The following CBX2 variants were observed in gnomAD, a reference collection of about 807,000 sequenced individuals.
CBX2 encodes chromobox 2, also known as chromobox protein homolog 2.
CBX2 carries 11 observed loss-of-function variants against 21.0 expected under a neutral mutation model. The observed-to-expected ratio is 0.52, with a 90% CI of 0.33 to 0.87. The LOEUF (loss-of-function observed/expected upper bound fraction) is 0.87, where lower values mean the gene tolerates loss of function less well. CBX2 is among the 40% of genes least tolerant of loss of function. CBX2 has a pLI of 0.02. For missense variants in CBX2, 746 were observed against 724.3 expected (o/e 1.03, Z -0.34); for synonymous variants, 364 against 304.6 (o/e 1.19, Z -2.03).
At chr17:79,781,920 T>C (rs782152284) in intron 4 of CBX2, 119 bp downstream of exon 4, 1 of 1,614,150 alleles carries the variant, frequency 6.2e-7, no homozygotes, top group East Asian at 2.2e-5. Context: ...CAACAGTCTG[T>C]CCCTCTACTC....
chr17:79,781,909 C>T (rs781950313), intron 4 of CBX2, 108 bp downstream of exon 4: 4 of 1,614,060 alleles, frequency 2.5e-6, no homozygotes, highest in Non-Finnish European at 1.7e-6. Context: ...GGCACTTCTG[C>T]CAACAGTCTG....
rs1555830960 is a variant in CBX2, at chr17:79,783,781, C to T, written c.338C>T (p.Ser113Phe). The stretch of plus-strand genomic sequence containing the variant: ...AAGTCCAGCAGTTCCTCCTCTTCCT[C>T]CACGTCATCCTCCTCTTCCTCAGAT... The part of the protein sequence containing the change: ...KSKSSSSSSS[S>F]TSSSSSSDEE... Residue 113 changes from serine (S) to phenylalanine (F), a missense_variant, in exon 5 of 5, where the codon TCC (serine) becomes TTC (phenylalanine). Coordinates refer to ENST00000310942, the MANE Select transcript of CBX2 (RefSeq NM_005189.3). 6.4e-7 allele frequency: 1 copy of T among 1,567,028 alleles called. No individual in the cohort carries two copies. Among genetic ancestry groups the T allele is most frequent in the African/African-American group, 1.4e-5 (1 of 73,464 alleles).
Position 79,785,469 on chromosome 17 carries a change from T to C in CBX2, c.*427T>C, listed in dbSNP as rs1160719054. 8.0e-6 allele frequency: 2 copies of C among 250,458 alleles called. No individual in the cohort carries two copies. Among genetic ancestry groups the C allele is most frequent in the African/African-American group, 4.4e-5 (2 of 45,564 alleles). 15.5% of individuals were successfully genotyped at this position (250,458 alleles called of 1,614,324 possible). A position where few individuals can be genotyped will look rare whatever the true frequency, so the allele number is the denominator to read the frequency against. On this transcript the variant is annotated 3_prime_UTR_variant, in exon 5 of 5. Transcript: ENST00000310942. ...GGCTGAGGTGTCAGGAGGGGACTTC[T>C]GGCCCACCTTGCCTTCAGCCCTGGA...
intron 3 of CBX2, among the ~76,000 whole-genome samples, chr17:79,780,280 G>C (rs1242840445): frequency 6.6e-6 from 1 of 152,232 alleles, no homozygotes; most frequent in African/African-American, 2.4e-5. Flanking sequence ...TGGACGGTTT[G>C]TTCTCTGGTA....
chr17:79,779,901 C>T (rs1433104820), intron 3 of CBX2, among the ~76,000 whole-genome samples: 6 of 152,232 alleles, frequency 3.9e-5, no homozygotes, highest in Non-Finnish European at 7.3e-5. Flanking sequence ...CGCAGTTGTG[C>T]CTATTGTGAT....
chr17:79,787,233 G>T lies in CBX2; in HGVS notation c.*2191G>T, dbSNP rs1555832262. On this transcript the variant is annotated 3_prime_UTR_variant, in exon 5 of 5. Coordinates refer to ENST00000310942, the MANE Select transcript of CBX2 (RefSeq NM_005189.3). Reference sequence around the variant, plus strand: ...TCACTGCTCCAAAGCCAGACTAACAGCTCTCCAAGCCCTTGGGGTGACTCG... The same window carrying T: ...TCACTGCTCCAAAGCCAGACTAACATCTCTCCAAGCCCTTGGGGTGACTCG... The T allele has an allele frequency of 6.6e-6, 1 of 152,516 alleles. No homozygotes were observed. Among genetic ancestry groups the T allele is most frequent in the Non-Finnish European group, 1.5e-5 (1 of 68,078 alleles). The allele number at this position is 152,516 out of a possible 1,614,324, so 9.4% of individuals were successfully genotyped here.
chr17:79,779,387 A>G lies in CBX2; in HGVS notation c.142A>G (p.Asn48Asp), dbSNP rs782236889. The stretch of plus-strand genomic sequence containing the variant: ...ACATAACAGCTGGGAGCCGGAGGAG[A>G]ACATCCTGGACCCGAGGCTGCTCCT... ...SKHNSWEPEENILDPRLLLAF... is the reference protein window; with the variant it reads ...SKHNSWEPEEDILDPRLLLAF... The change falls in exon 3 of 5, where the codon AAC becomes GAC. Residue 48 changes from asparagine to aspartate, a missense_variant. Physicochemically the swap from Asn to Asp is conservative, Grantham distance 23. Coordinates refer to ENST00000310942, the MANE Select transcript of CBX2 (RefSeq NM_005189.3). 1 of 1,613,836 alleles carries G rather than the reference A, an allele frequency of 6.2e-7. No homozygotes were observed.
chr17:79,777,956 CG>C (rs1419427542), upstream of CBX2, among the ~76,000 whole-genome samples: 2 of 144,126 alleles, frequency 1.4e-5, no homozygotes, highest in Non-Finnish European at 3.1e-5. Flanking sequence ...GGGCCCCGCG[CG>C]GGACCCCCCG....
chr17:79,779,536 T>C, intron 3 of CBX2, 109 bp downstream of exon 3: 1 of 961,046 alleles, frequency 1.0e-6, no homozygotes. Context: ...GGCTGTGGTC[T>C]GAGGTCCCTT....
At position 79,785,032 on chromosome 17, in the gene CBX2, G is replaced by A. The variant is rs781818610; in HGVS notation, c.1589G>A (p.Arg530Lys). 1.2e-6 allele frequency: 2 copies of A among 1,600,346 alleles called. No homozygotes were observed. The highest frequency in any genetic ancestry group is 1.7e-6 in the Non-Finnish European group (2 of 1,179,812). Reference protein sequence around the residue: ...SPTSVGFFNLRHY With the variant: ...SPTSVGFFNLKHY ...ACCAGCGTGGGCTTCTTCAACCTGA[G>A]GCATTACTGAAGCCCCGGCGCCACC... Residue 530 changes from arginine to lysine, a missense_variant, in exon 5 of 5, where the codon AGG becomes AAG. Around this residue, in one of 2 missense-constraint regions of CBX2, gnomAD observed 701 missense variants for 650.7 expected, o/e 1.08. Coordinates refer to ENST00000310942, the MANE Select transcript of CBX2 (RefSeq NM_005189.3).
intron 4 of CBX2, chr17:79,782,626 T>G: frequency 2.1e-6 from 1 of 476,706 alleles, no homozygotes. Context: ...TGCTGTAGAA[T>G]CTTGTTGGCT....
chr17:79,787,032 C>T lies in CBX2; in HGVS notation c.*1990C>T, dbSNP rs1907685077. ...GGCTAAGAGTCCCAGATAGCTAGGCCAGAGCTGGAAGCAGACAGTAAGGGG... is the reference window on the plus strand; with the variant it reads ...GGCTAAGAGTCCCAGATAGCTAGGCTAGAGCTGGAAGCAGACAGTAAGGGG... On this transcript the variant is annotated 3_prime_UTR_variant, in exon 5 of 5. Transcript: ENST00000310942. The T allele has an allele frequency of 6.6e-6, 1 of 152,582 alleles. No individual in the cohort carries two copies. Among genetic ancestry groups the T allele is most frequent in the African/African-American group, 2.4e-5 (1 of 41,458 alleles). 9.5% of individuals were successfully genotyped at this position (152,582 alleles called of 1,614,324 possible).
Position 79,786,180 on chromosome 17 carries a change from C to G in CBX2, c.*1138C>G, listed in dbSNP as rs1907622196. The stretch of plus-strand genomic sequence containing the variant: ...GACAGCAGTGCTGGCACTTGGGTGT[C>G]CATGGGCCCGTCTGCCGGCTCTGCC... On this transcript the variant is annotated 3_prime_UTR_variant, in exon 5 of 5. Coordinates refer to ENST00000310942, the MANE Select transcript of CBX2 (RefSeq NM_005189.3). 1 of 152,654 alleles carries G rather than the reference C, an allele frequency of 6.6e-6. No homozygotes were observed. Among genetic ancestry groups the G allele is most frequent in the Non-Finnish European group, 1.5e-5 (1 of 68,136 alleles). The allele number at this position is 152,654 out of a possible 1,614,324, so 9.5% of individuals were successfully genotyped here.
rs1341916182 is a variant in CBX2, at chr17:79,785,747, C to G, written c.*705C>G. Reference sequence around the variant, plus strand: ...AGGCTGCCTTCATGGCCATCTAGCCCCAGTTCAGGGCAGCATCCATAGCCC... The same window carrying G: ...AGGCTGCCTTCATGGCCATCTAGCCGCAGTTCAGGGCAGCATCCATAGCCC... On this transcript the variant is annotated 3_prime_UTR_variant, in exon 5 of 5. Transcript: ENST00000310942. The G allele has an allele frequency of 5.2e-5, 8 of 153,474 alleles. No individual in the cohort carries two copies. Among genetic ancestry groups the G allele is most frequent in the African/African-American group, 1.9e-4 (8 of 41,448 alleles). The allele number at this position is 153,474 out of a possible 1,614,324, so 9.5% of individuals were successfully genotyped here. A position where few individuals can be genotyped will look rare whatever the true frequency, so the allele number is the denominator to read the frequency against.
rs539167636 is a variant in CBX2, at chr17:79,778,804, T to C, written c.116+377T>C. On this transcript the variant is annotated intron_variant, in intron 2 of 4. Coordinates refer to ENST00000310942, the MANE Select transcript of CBX2 (RefSeq NM_005189.3). The surrounding 1 kb of genome is among the most constrained non-coding windows in gnomAD (Gnocchi z 4.8). ...TGATGGATGTAGAGTTTCTTTTTTTTTTTCTTTCTTTTAATGGAAGGGAGG... is the reference window on the plus strand; with the variant it reads ...TGATGGATGTAGAGTTTCTTTTTTTCTTTCTTTCTTTTAATGGAAGGGAGG... Among the ~76,000 whole-genome samples, 29 of 152,132 alleles carry C rather than the reference T, an allele frequency of 1.9e-4. 1 individual carries two copies. The highest frequency in any genetic ancestry group is 6.2e-4 in the South Asian group (3 of 4,830).
chr17:79,782,363 C>T (rs1349990238), intron 4 of CBX2: 4 of 1,444,136 alleles, frequency 2.8e-6, no homozygotes, highest in Admixed American at 4.8e-5. Flanking sequence ...TGTCACCCCT[C>T]CTCGCTACAG....
Position 79,784,575 on chromosome 17 carries a change from A to G in CBX2, c.1132A>G (p.Thr378Ala). The change falls in exon 5 of 5, where the codon ACC becomes GCC. Residue 378 changes from threonine to alanine, a missense_variant. By Grantham distance (58) the Thr-to-Ala change is moderately conservative. Transcript: ENST00000310942. This position sits in a 1 kb window ranked among gnomAD's most constrained non-coding sequence, Gnocchi z 5.9. The part of the protein sequence containing the change: ...VGLLARHATA[T>A]KGVPATNPAP... ...TCTCCTTGCCCGCCACGCCACCGCC[A>G]CCAAGGGTGTCCCGGCCACCAACCC... is the stretch of plus-strand genomic sequence containing the variant. 3 of 1,612,588 alleles carry G rather than the reference A, an allele frequency of 1.9e-6. No individual in the cohort carries two copies. The African/African-American group carries it at 4.0e-5, about 21-fold the overall frequency.
Position 79,781,792 on chromosome 17 carries a change from C to A in CBX2, c.279C>A (p.Ser93=). 6.2e-7 allele frequency: 1 copy of A among 1,614,140 alleles called. No homozygotes were observed. Residue 93 remains serine, a synonymous_variant, in exon 4 of 5, where the codon TCC becomes TCA. Transcript: ENST00000310942. ...CCATGTCCTCCTGCAGCCGGCGCTC[C>A]AAGCTCAAGGTGGGTGGCTGCGCTG... ...LTAMSSCSRR[S]KLKEPDAPSK...
rs1555830944 is a variant in CBX2 at position 79,783,725 on chromosome 17, T to C, written c.289-7T>C. 1 of 1,551,666 alleles carries C rather than the reference T, an allele frequency of 6.4e-7. No individual in the cohort carries two copies. The highest frequency in any genetic ancestry group is 1.4e-5 in the African/African-American group (1 of 73,176). Reference sequence around the variant, plus strand: ...GCACCCAGCCAACTTCTCCTTTATCTTTCCAGGAACCCGATGCTCCCTCCA... The same window carrying C: ...GCACCCAGCCAACTTCTCCTTTATCCTTCCAGGAACCCGATGCTCCCTCCA... On this transcript the variant is annotated splice_region_variant and splice_polypyrimidine_tract_variant and intron_variant, in intron 4 of 4. Coordinates refer to ENST00000310942, the MANE Select transcript of CBX2 (RefSeq NM_005189.3).
Sources: gnomAD v4.1 joint callset for allele counts (sites outside exome capture counted in the v4.1 genomes callset) on GRCh38, gnomAD v4.1.1 for gene constraint, gnomAD v4.1.1 regional missense constraint, Gnocchi (gnomAD v3.1) non-coding constraint, MANE v1.5 for transcripts, NCBI Gene and HGNC (gene_info 2026-07-23, HGNC 2026-07-21) for gene names.